SRP72: variants seen among roughly 807,000 people sequenced by gnomAD.
SRP72 encodes signal recognition particle 72.
In SRP72, 49 loss-of-function variants were observed where a neutral mutation model predicts 96.3. The observed-to-expected ratio is 0.51, with a 90% CI of 0.40 to 0.65. The LOEUF is 0.65. SRP72 is among the 30% of genes least tolerant of loss of function. The pLI is 0.00. For missense variants in SRP72, 736 were observed against 793.3 expected (o/e 0.93, Z 0.87); for synonymous variants, 267 against 275.2 (o/e 0.97, Z 0.30).
chr4:56,480,134 G>A (rs1720423566), intron 8 of SRP72, among the ~76,000 whole-genome samples: 1 of 152,152 alleles, frequency 6.6e-6, no homozygotes, highest in South Asian at 2.1e-4. Flanking sequence ...CATTAAAAGG[G>A]GTAGTAATCA....
At chr4:56,480,587 A>G (rs984622066) in intron 8 of SRP72, among the ~76,000 whole-genome samples, 1 of 152,198 alleles carries the variant, frequency 6.6e-6, no homozygotes, top group Non-Finnish European at 1.5e-5. Flanking sequence ...TCTGACATAC[A>G]TAATTGTAGG....
Position 56,501,946 on chromosome 4 carries a change from G to A in SRP72, c.*85G>A. 2 of 1,333,178 alleles carry A rather than the reference G, an allele frequency of 1.5e-6. No individual in the cohort carries two copies. Among genetic ancestry groups the A allele is most frequent in the South Asian group, 2.5e-5 (2 of 81,094 alleles). The allele number at this position is 1,333,178 out of a possible 1,614,324, so 82.6% of individuals were successfully genotyped here. A position where few individuals can be genotyped will look rare whatever the true frequency, so the allele number is the denominator to read the frequency against. Reference sequence around the variant, plus strand: ...TAAAGGTAACACAGCAAGAAGCACAGAACTACTCCCTCTTCATCTCCATAT... The same window carrying A: ...TAAAGGTAACACAGCAAGAAGCACAAAACTACTCCCTCTTCATCTCCATAT... On this transcript the variant is annotated 3_prime_UTR_variant, in exon 19 of 19. Coordinates refer to ENST00000642900, the MANE Select transcript of SRP72 (RefSeq NM_006947.4).
chr4:56,478,585 T>C lies in SRP72; in HGVS notation c.768-7T>C. On this transcript the variant is annotated splice_region_variant and splice_polypyrimidine_tract_variant and intron_variant, in intron 7 of 18. Transcript: ENST00000642900. ...GTTTGGTTTTGACTGTTGCTTGTTG[T>C]TCACAGACCAACAGATGTGGGATTA... 5.0e-6 allele frequency: 8 copies of C among 1,613,964 alleles called. No individual in the cohort carries two copies. Among genetic ancestry groups the C allele is most frequent in the Non-Finnish European group, 6.8e-6 (8 of 1,179,908 alleles).
chr4:56,483,158 C>T lies in SRP72; in HGVS notation c.845C>T (p.Ser282Phe). Residue 282 changes from serine to phenylalanine, a missense_variant, in exon 9 of 19, where the codon TCC (serine) becomes TTC (phenylalanine). By Grantham distance (155) the Ser-to-Phe change is radical. Around this residue, in one of 3 missense-constraint regions of SRP72, gnomAD observed 19 missense variants for 42.5 expected, o/e 0.45. Coordinates refer to ENST00000642900, the MANE Select transcript of SRP72 (RefSeq NM_006947.4). ...TINKDQNVFD[S>F]KKKVKLTNAE... is the part of the protein sequence containing the mutation. ...TGTTAGGACCAAAATGTCTTTGACT[C>T]CAAGAAGAAAGTGAAATTAACCAAT... is the stretch of plus-strand genomic sequence containing the variant. The T allele has an allele frequency of 1.2e-6, 2 of 1,610,850 alleles. No homozygotes were observed. The highest frequency in any genetic ancestry group is 1.7e-6 in the Non-Finnish European group (2 of 1,179,464).
At position 56,467,779 on chromosome 4, in the gene SRP72, G is replaced by A. The variant is rs374783621; in HGVS notation, c.109+35G>A. On this transcript the variant is annotated intron_variant, in intron 1 of 18. Coordinates refer to ENST00000642900, the MANE Select transcript of SRP72 (RefSeq NM_006947.4). ...GGGGTGGGCACTGGGGCGGGCCCAG[G>A]CCGGCTGGAGGATGCGGCCTGTTTC... 3.4e-5 allele frequency: 49 copies of A among 1,439,452 alleles called. 3 individuals carry two copies. In the East Asian group the frequency reaches 3.7e-4, roughly 11 times the overall value. 89.2% of individuals were successfully genotyped at this position (1,439,452 alleles called of 1,614,324 possible).
chr4:56,492,115 C>T (rs903342773), intron 16 of SRP72, among the ~76,000 whole-genome samples: 2 of 152,170 alleles, frequency 1.3e-5, no homozygotes, highest in Non-Finnish European at 2.9e-5. Context: ...CTGGGCACCA[C>T]GCCCAGTTAT....
At position 56,479,219 on chromosome 4, in the gene SRP72, G is replaced by A. The variant is rs186769878; in HGVS notation, c.825+570G>A. ...TTTTGAGACCGAGTCTCGCTCTGTC[G>A]CCCGGACTGGAGTGCAGTGACACGA... On this transcript the variant is annotated intron_variant, in intron 8 of 18. Coordinates refer to ENST00000642900, the MANE Select transcript of SRP72 (RefSeq NM_006947.4). Among the ~76,000 whole-genome samples the A allele has an allele frequency of 2.4e-3, 362 of 151,792 alleles. 1 individual carries two copies. Among genetic ancestry groups the A allele is most frequent in the Non-Finnish European group, 3.9e-3 (267 of 67,964 alleles).
intron 8 of SRP72, 63 bp from the exon 9 acceptor site, chr4:56,483,076 T>C: frequency 6.6e-7 from 1 of 1,505,742 alleles, no homozygotes; most frequent in Non-Finnish European, 9.1e-7. Context: ...ATAAAGTTAA[T>C]AGAAAAAGGA....
intron 17 of SRP72, among the ~76,000 whole-genome samples, chr4:56,498,273 C>T (rs1483876063): frequency 1.3e-5 from 2 of 151,912 alleles, no homozygotes; most frequent in Non-Finnish European, 2.9e-5. Context: ...TGGAATGTAT[C>T]TCAAAATAAT....
chr4:56,484,108 G>A (rs1188523629), intron 9 of SRP72, among the ~76,000 whole-genome samples: 1 of 136,670 alleles, frequency 7.3e-6, no homozygotes, highest in African/African-American at 2.8e-5. Flanking sequence ...ATCTCGGCTC[G>A]CTGCAACCTC....
intron 13 of SRP72, among the ~76,000 whole-genome samples, chr4:56,489,833 A>G (rs1378922524): frequency 6.6e-6 from 1 of 152,222 alleles, no homozygotes; most frequent in Non-Finnish European, 1.5e-5. Flanking sequence ...AATTAGTACA[A>G]CAGTAATACA....
intron 13 of SRP72, 92 bp downstream of exon 13, chr4:56,489,575 C>A: frequency 1.6e-6 from 1 of 613,986 alleles, no homozygotes. Context: ...AAGTATTACA[C>A]GTCACTATTT....
Position 56,501,879 on chromosome 4 carries a change from C to T in SRP72, c.*18C>T. 1 of 1,613,692 alleles carries T rather than the reference C, an allele frequency of 6.2e-7. No individual in the cohort carries two copies. On this transcript the variant is annotated 3_prime_UTR_variant, in exon 19 of 19. Coordinates refer to ENST00000642900, the MANE Select transcript of SRP72 (RefSeq NM_006947.4). ...GCTGGTGATGAGAATATTCTTGTTG[C>T]AGGCTGTTTTTAAACTAGTGTCAGT... is the stretch of plus-strand genomic sequence containing the variant.
At chr4:56,470,608 C>A (rs1250713193) in intron 2 of SRP72, among the ~76,000 whole-genome samples, 2 of 151,566 alleles carry the variant, frequency 1.3e-5, no homozygotes, top group African/African-American at 4.9e-5. Flanking sequence ...GGGAATAAAG[C>A]CTCTTAGTGT....
chr4:56,498,545 C>G (rs1721156921), intron 17 of SRP72, among the ~76,000 whole-genome samples: 2 of 152,162 alleles, frequency 1.3e-5, no homozygotes, highest in South Asian at 4.1e-4. Context: ...CCAAAATCTC[C>G]TTAAGCTGAT....
rs749927382 is a variant in SRP72 at position 56,501,764 on chromosome 4, ACAT to A, written c.1923_1925del (p.Ile642del). On this transcript the variant is annotated inframe_deletion, in exon 19 of 19. Coordinates refer to ENST00000642900, the MANE Select transcript of SRP72 (RefSeq NM_006947.4). Reference sequence around the variant, plus strand: ...GCAACAGTATCTGCCTCTACAAGTAACATCATACCCCCAAGACACCAGAAACCT... The same window carrying A: ...GCAACAGTATCTGCCTCTACAAGTAACATACCCCCAAGACACCAGAAACCT... 1.2e-6 allele frequency: 2 copies of A among 1,614,040 alleles called. No individual in the cohort carries two copies. The highest frequency in any genetic ancestry group is 1.3e-5 in the African/African-American group (1 of 74,914).
Position 56,493,512 on chromosome 4 carries a change from A to G in SRP72, c.1641-1845A>G, listed in dbSNP as rs926797173. 4.6e-5 allele frequency among the ~76,000 whole-genome samples: 7 copies of G among 152,258 alleles called. No homozygotes were observed. In the East Asian group the frequency reaches 7.7e-4, roughly 17 times the overall value. On this transcript the variant is annotated intron_variant, in intron 16 of 18. Transcript: ENST00000642900. ...GTTTAGTTTCCTTTAACAATACACT[A>G]TGTGATAGGTTTATGCTAGGTGTTG...
chr4:56,492,868 TC>T (rs1720954429), intron 16 of SRP72, among the ~76,000 whole-genome samples: 2 of 152,098 alleles, frequency 1.3e-5, no homozygotes, highest in Admixed American at 1.3e-4. Context: ...GGCTCTGTGT[TC>T]CAGTTACTGG....
intron 9 of SRP72, 27 bp downstream of exon 9, chr4:56,483,297 C>T (rs534529167): frequency 2.5e-6 from 4 of 1,604,844 alleles, no homozygotes; most frequent in East Asian, 4.5e-5. Flanking sequence ...GGTGTCATGG[C>T]TAAACCTTTT....
Sources: gnomAD v4.1 joint callset for allele counts (sites outside exome capture counted in the v4.1 genomes callset) on GRCh38, gnomAD v4.1.1 for gene constraint, gnomAD v4.1.1 regional missense constraint, MANE v1.5 for transcripts, NCBI Gene and HGNC (gene_info 2026-07-23, HGNC 2026-07-21) for gene names.